The following NBEA variants were observed in gnomAD, a reference collection of about 807,000 sequenced individuals.
NBEA encodes the protein neurobeachin, also known as lysosomal-trafficking regulator 2.
NBEA carries 44 observed loss-of-function variants against 343.4 expected under a neutral mutation model. That is an observed-to-expected ratio of 0.13 (90% confidence interval 0.10 to 0.16). The LOEUF (loss-of-function observed/expected upper bound fraction) is 0.16. NBEA is among the 10% of genes least tolerant of loss of function. The probability of loss-of-function intolerance (pLI) is 1.00; values close to 1 mark genes in which losing one functional copy is unlikely to be tolerated. For missense variants in NBEA, 2,555 were observed against 3,631.3 expected (o/e 0.70, Z 7.62); for synonymous variants, 1,175 against 1,238.7 (o/e 0.95, Z 1.08).
chr13:35,499,340 A>G (rs970148068), intron 41 of NBEA, among the ~76,000 whole-genome samples: 2 of 152,048 alleles, frequency 1.3e-5, no homozygotes, highest in Admixed American at 6.5e-5. Flanking sequence ...TATAAGAGGC[A>G]CTTCTCAAGA....
intron 33 of NBEA, among the ~76,000 whole-genome samples, chr13:35,224,774 TTTTG>T (rs992660131): frequency 2.0e-5 from 3 of 152,268 alleles, no homozygotes; most frequent in South Asian, 4.1e-4. Flanking sequence ...CTCTGGCTTT[TTTTG>T]TTTGTTTGTT....
At position 35,369,156 on chromosome 13, in the gene NBEA, AT is replaced by A. The variant is rs36109768; in HGVS notation, c.6179+16851del. ...ATGGATATTCTGTTGTGCCAGCACC[AT>A]TTTTTTTTTTTTTTTTTGAAGAGAG... On this transcript the variant is annotated intron_variant, in intron 38 of 58. Coordinates refer to ENST00000379939, the MANE Select transcript of NBEA (RefSeq NM_001385012.1). Among the ~76,000 whole-genome samples, 835 of 128,264 alleles carry A rather than the reference AT, an allele frequency of 6.5e-3. 1 individual carries two copies. The highest frequency in any genetic ancestry group is 8.5e-3 in the Non-Finnish European group (526 of 61,928). 84.1% of individuals were successfully genotyped at this position (128,264 alleles called of 152,430 possible).
chr13:35,010,489 G>T (rs2061445815), intron 1 of NBEA, among the ~76,000 whole-genome samples: 1 of 150,424 alleles, frequency 6.6e-6, no homozygotes, highest in Non-Finnish European at 1.5e-5. Context: ...GCTGAGGTGG[G>T]AGGATCATTT....
chr13:35,628,807 A>G (rs1047766109), intron 49 of NBEA, among the ~76,000 whole-genome samples: 1 of 152,158 alleles, frequency 6.6e-6, no homozygotes, highest in African/African-American at 2.4e-5. Context: ...GGTCCCAGCT[A>G]CTGTGGGGGC....
At chr13:35,394,869 CTTTT>C (rs1221254603) in intron 38 of NBEA, among the ~76,000 whole-genome samples, 11 of 152,108 alleles carry the variant, frequency 7.2e-5, no homozygotes, top group Non-Finnish European at 1.6e-4. Flanking sequence ...GATCTTTCTA[CTTTT>C]TAAAAAATAT....
intron 13 of NBEA, among the ~76,000 whole-genome samples, chr13:35,113,572 T>G (rs74051262): frequency 0.038 from 5,573 of 147,160 alleles, 159 homozygotes; most frequent in African/African-American, 0.079. Flanking sequence ...AAGAACTTGT[T>G]TTACTCCTCC....
chr13:35,616,240 A>AATAC (rs2082733025), intron 48 of NBEA, among the ~76,000 whole-genome samples: 2 of 152,212 alleles, frequency 1.3e-5, no homozygotes, highest in African/African-American at 4.8e-5. Flanking sequence ...TAAAGTCTGT[A>AATAC]AAATTCCACC....
At chr13:35,231,489 C>G (rs143127794) in intron 33 of NBEA, among the ~76,000 whole-genome samples, 1 of 151,956 alleles carries the variant, frequency 6.6e-6, no homozygotes, top group Non-Finnish European at 1.5e-5. Flanking sequence ...CTGTACATAT[C>G]GTCTGTGTAG....
At chr13:35,662,367 C>T (rs2085137632) in intron 55 of NBEA, among the ~76,000 whole-genome samples, 1 of 152,230 alleles carries the variant, frequency 6.6e-6, no homozygotes, top group African/African-American at 2.4e-5. Context: ...CCACCTGCAC[C>T]TCCCTCTGCA....
intron 10 of NBEA, among the ~76,000 whole-genome samples, chr13:35,073,169 A>G (rs981633981): frequency 9.2e-5 from 14 of 152,158 alleles, no homozygotes; most frequent in African/African-American, 3.4e-4. Flanking sequence ...TTCTCCCTCT[A>G]TTTGAAAAAT....
chr13:35,058,907 A>G, intron 8 of NBEA, 44 bp downstream of exon 8: 1 of 1,466,260 alleles, frequency 6.8e-7, no homozygotes, highest in Non-Finnish European at 9.2e-7. Flanking sequence ...AGAGTTTTAG[A>G]TGTAAAATGT....
At chr13:35,204,674 G>T (rs563212404) in intron 31 of NBEA, among the ~76,000 whole-genome samples, 2 of 150,944 alleles carry the variant, frequency 1.3e-5, no homozygotes, top group Non-Finnish European at 2.9e-5. Flanking sequence ...CAAGGTATCC[G>T]TCAGGATGAA....
intron 41 of NBEA, among the ~76,000 whole-genome samples, chr13:35,501,798 C>T (rs1052652672): frequency 1.3e-5 from 2 of 152,068 alleles, no homozygotes; most frequent in Admixed American, 6.6e-5. Context: ...TCCATTTCCT[C>T]GACTCCTCCT....
intron 47 of NBEA, among the ~76,000 whole-genome samples, chr13:35,596,181 C>T (rs142433303): frequency 1.2e-3 from 186 of 151,924 alleles, no homozygotes; most frequent in African/African-American, 4.1e-3. Context: ...ATTTGAGGTC[C>T]TCATGACCAG....
intron 41 of NBEA, among the ~76,000 whole-genome samples, chr13:35,542,122 A>G (rs961271949): frequency 1.4e-5 from 2 of 144,126 alleles, no homozygotes; most frequent in Admixed American, 1.4e-4. Flanking sequence ...TGGGCTGCCT[A>G]TATTTCCCCC....
chr13:35,241,419 A>C (rs2030249858), intron 34 of NBEA, among the ~76,000 whole-genome samples: 1 of 151,890 alleles, frequency 6.6e-6, no homozygotes, highest in African/African-American at 2.4e-5. Context: ...AACAAACAAA[A>C]GACACTACCA....
At chr13:35,080,058 T>C (rs1192451468) in intron 10 of NBEA, among the ~76,000 whole-genome samples, 3 of 152,190 alleles carry the variant, frequency 2.0e-5, no homozygotes, top group Non-Finnish European at 4.4e-5. Flanking sequence ...TGTTTCTTTC[T>C]GCACTGTGTA....
At chr13:35,404,903 G>A (rs2043195081) in intron 38 of NBEA, among the ~76,000 whole-genome samples, 1 of 151,954 alleles carries the variant, frequency 6.6e-6, no homozygotes, top group Non-Finnish European at 1.5e-5. Context: ...AATTCGATAA[G>A]CATTAAAATT....
intron 49 of NBEA, among the ~76,000 whole-genome samples, chr13:35,632,492 G>A (rs1045332009): frequency 2.0e-5 from 3 of 151,752 alleles, no homozygotes; most frequent in African/African-American, 7.3e-5. Flanking sequence ...CATTTGGAAA[G>A]CTTTTTTTTT....
Sources: gnomAD v4.1 joint callset for allele counts (sites outside exome capture counted in the v4.1 genomes callset) on GRCh38, gnomAD v4.1.1 for gene constraint, MANE v1.5 for transcripts, NCBI Gene and HGNC (gene_info 2026-07-23, HGNC 2026-07-21) for gene names.